ZNF701: variants seen among roughly 807,000 people sequenced by gnomAD.
ZNF701 encodes zinc finger protein 701.
ZNF701 carries 6 observed loss-of-function variants against 7.1 expected under a neutral mutation model. That is an observed-to-expected ratio of 0.84 (90% CI 0.46 to 1.66). The LOEUF (loss-of-function observed/expected upper bound fraction) is 1.66. Among genes scored for constraint, ZNF701 ranks in the 40% most tolerant of loss-of-function variants. The pLI is 0.01. For synonymous variants in ZNF701, 166 were observed against 188.2 expected (o/e 0.88, Z 0.97); for missense variants, 541 against 559.2 (o/e 0.97, Z 0.33).
chr19:52,595,620 G>A, the ZNF701 span: 1 of 1,130,066 alleles, frequency 8.8e-7, no homozygotes, highest in Non-Finnish European at 1.3e-6. Flanking sequence ...TTTTTAGATA[G>A]CTCTTTAAAA....
chr19:52,582,618 C>G lies in ZNF701; in HGVS notation c.559C>G (p.Arg187Gly). ...SQRISCRPKT[R>G]ISNKYRNNFL... ...ACGAATTTCCTGTAGGCCAAAAACT[C>G]GTATTTCTAATAAGTATAGGAATAA... Residue 187 changes from arginine to glycine, a missense_variant, in exon 4 of 4, where the codon CGT becomes GGT. Arg to Gly is a moderately radical substitution (Grantham distance 125). Coordinates refer to ENST00000391785, the MANE Select transcript of ZNF701 (RefSeq NM_018260.3). The G allele has an allele frequency of 1.9e-6, 3 of 1,614,130 alleles. No homozygotes were observed. The highest frequency in any genetic ancestry group is 1.7e-6 in the Non-Finnish European group (2 of 1,180,030).
intron 3 of ZNF701, among the ~76,000 whole-genome samples, chr19:52,576,369 C>T (rs554359637): frequency 3.3e-5 from 5 of 152,064 alleles, no homozygotes; most frequent in Admixed American, 6.6e-5. Flanking sequence ...GGAGAAATCC[C>T]GTCTCTACTA....
chr19:52,580,052 C>G (rs1380754761), intron 3 of ZNF701, among the ~76,000 whole-genome samples: 1 of 141,738 alleles, frequency 7.1e-6, no homozygotes, highest in Non-Finnish European at 1.5e-5. Context: ...CACCATTCTC[C>G]TGCCTCAGCC....
rs1600089161 is a variant in ZNF701, at chr19:52,584,827, C to T, written c.*1370C>T. The stretch of plus-strand genomic sequence containing the variant: ...CAGTAGTATTTTGGTTGACTCAGGC[C>T]CCGCCCACCTCTTCGCCTCCCGTCT... On this transcript the variant is annotated 3_prime_UTR_variant, in exon 4 of 4. Coordinates refer to ENST00000391785, the MANE Select transcript of ZNF701 (RefSeq NM_018260.3). 2 of 152,172 alleles carry T rather than the reference C, an allele frequency of 1.3e-5. No homozygotes were observed. The highest frequency in any genetic ancestry group is 1.9e-4 in the East Asian group (1 of 5,184). 9.4% of individuals were successfully genotyped at this position (152,172 alleles called of 1,614,324 possible). A position where few individuals can be genotyped will look rare whatever the true frequency, so the allele number is the denominator to read the frequency against.
the ZNF701 span, chr19:52,597,088 A>T: frequency 8.7e-7 from 1 of 1,151,306 alleles, no homozygotes; most frequent in Non-Finnish European, 1.3e-6. Context: ...GACAGATCTT[A>T]CAAGTGTAAT....
At chr19:52,599,051 A>G in the ZNF701 span, among the ~76,000 whole-genome samples, 1 of 151,602 alleles carries the variant, frequency 6.6e-6, no homozygotes, top group Non-Finnish European at 1.5e-5. Flanking sequence ...TTTTTTAGAC[A>G]GAGTTTTTCT....
chr19:52,584,976 C>T lies in ZNF701; in HGVS notation c.*1519C>T, dbSNP rs145355786. 2.7e-3 allele frequency: 412 copies of T among 152,472 alleles called. 2 individuals are homozygous for T. The highest frequency in any genetic ancestry group is 9.5e-3 in the African/African-American group (393 of 41,584). The allele number at this position is 152,472 out of a possible 1,614,324, so 9.4% of individuals were successfully genotyped here. A position where few individuals can be genotyped will look rare whatever the true frequency, so the allele number is the denominator to read the frequency against. Reference sequence around the variant, plus strand: ...ACTGAAGGTTGCCCCGTTGAGTTTGCGCTTCCCAGTTCTCTGGTACTGCTA... The same window carrying T: ...ACTGAAGGTTGCCCCGTTGAGTTTGTGCTTCCCAGTTCTCTGGTACTGCTA... On this transcript the variant is annotated 3_prime_UTR_variant, in exon 4 of 4. Transcript: ENST00000391785.
chr19:52,577,148 A>G (rs1245172045), intron 3 of ZNF701, among the ~76,000 whole-genome samples: 3 of 152,094 alleles, frequency 2.0e-5, no homozygotes, highest in African/African-American at 4.8e-5. Flanking sequence ...TGCCCAGGCT[A>G]CAGTGCAGTG....
intron 3 of ZNF701, among the ~76,000 whole-genome samples, chr19:52,577,396 A>G (rs1313343182): frequency 1.3e-5 from 2 of 152,242 alleles, no homozygotes; most frequent in Non-Finnish European, 2.9e-5. Context: ...TGCCAAGGCA[A>G]GAGACTGAAG....
chr19:52,572,792 C>T, intron 1 of ZNF701: 1 of 413,566 alleles, frequency 2.4e-6, no homozygotes, highest in South Asian at 1.8e-5. Context: ...ACTGTCCAGG[C>T]TCCTCCTGGG....
the ZNF701 span, chr19:52,596,046 A>T: frequency 1.4e-6 from 2 of 1,405,510 alleles, no homozygotes; most frequent in Non-Finnish European, 2.0e-6. Context: ...TCTATTAAGT[A>T]TGGGAAGAAT....
intron 3 of ZNF701, among the ~76,000 whole-genome samples, chr19:52,580,869 A>C (rs2059970775): frequency 6.7e-6 from 1 of 150,256 alleles, no homozygotes; most frequent in Non-Finnish European, 1.5e-5. Flanking sequence ...CATGCCTGTA[A>C]TCCCAGGACT....
chr19:52,591,908 AT>A, downstream of ZNF701: 1 of 348,314 alleles, frequency 2.9e-6, no homozygotes, highest in Non-Finnish European at 5.2e-6. Context: ...GACTTAGGGG[AT>A]TTTAAAATCT....
downstream of ZNF701, among the ~76,000 whole-genome samples, chr19:52,587,704 G>GCGCCATCTGAGTGGAGCTCAAC (rs2060020386): frequency 6.6e-6 from 1 of 152,202 alleles, no homozygotes; most frequent in South Asian, 2.1e-4. Context: ...TGCTGGGCTG[G>GCGCCATCTGAGTGGAGCTCAAC]CGCCATCTGA....
chr19:52,581,599 G>T (rs1010473371), intron 3 of ZNF701, among the ~76,000 whole-genome samples: 4 of 152,116 alleles, frequency 2.6e-5, no homozygotes, highest in African/African-American at 9.7e-5. Flanking sequence ...TGCAACCTTT[G>T]CCTCTTGGCT....
At chr19:52,595,126 C>G in the ZNF701 span, among the ~76,000 whole-genome samples, 1 of 152,026 alleles carries the variant, frequency 6.6e-6, no homozygotes, top group African/African-American at 2.4e-5. Flanking sequence ...GAATTACAGC[C>G]GCCCACCACC....
the ZNF701 span, chr19:52,597,354 T>A: frequency 3.7e-6 from 2 of 539,682 alleles, no homozygotes; most frequent in South Asian, 2.8e-5. Flanking sequence ...ATGTCTTAAG[T>A]GTGGCAAGGT....
chr19:52,599,014 T>G, the ZNF701 span: 1 of 151,886 alleles, frequency 6.6e-6, no homozygotes, highest in African/African-American at 2.4e-5. Context: ...ATTTGTAAAT[T>G]CATTTTCTCT....
At chr19:52,588,934 G>A (rs1189733301), downstream of ZNF701, among the ~76,000 whole-genome samples, 6 of 152,086 alleles carry the variant, frequency 3.9e-5, no homozygotes, top group African/African-American at 1.2e-4. Flanking sequence ...GTAGAGACAG[G>A]TTTTCACCCT....
Sources: gnomAD v4.1 joint callset for allele counts (sites outside exome capture counted in the v4.1 genomes callset) on GRCh38, gnomAD v4.1.1 for gene constraint, MANE v1.5 for transcripts, NCBI Gene and HGNC (gene_info 2026-07-23, HGNC 2026-07-21) for gene names.